USH2A: variants seen among roughly 807,000 people sequenced by gnomAD.
USH2A encodes Usher syndrome 2A (autosomal recessive, mild).
Under a neutral mutation model 538.9 loss-of-function variants are expected in USH2A, and 443 were observed. The ratio of observed to expected loss-of-function variants is 0.82; its 90% CI spans 0.76 to 0.89. The LOEUF is 0.89. USH2A is among the 40% of genes least tolerant of loss of function. The pLI, the probability that USH2A is intolerant of heterozygous loss-of-function variation, is 0.00. For synonymous variants in USH2A, 2,413 were observed against 2,273.5 expected, an observed-to-expected ratio of 1.06 and a Z score of -1.75; for missense variants, 6,633 against 6,324.8, an observed-to-expected ratio of 1.05 and a Z score of -1.65.
chr1:215,639,513 T>C (rs1428058847), intron 68 of USH2A, among the ~76,000 whole-genome samples: 1 of 152,218 alleles, frequency 6.6e-6, no homozygotes, highest in Non-Finnish European at 1.5e-5. Context: ...TAAAGGGTAA[T>C]ACACAAAGCG....
rs139989739 is a variant in USH2A, at chr1:215,779,850, C to T, written c.10932G>A (p.Thr3644=). Residue 3644 remains threonine (T), a synonymous_variant, in exon 55 of 72, where the codon ACG becomes ACA. Coordinates refer to ENST00000307340, the MANE Select transcript of USH2A (RefSeq NM_206933.4). ...HTDTTDRRQH[T]VTGLQPYTNY... is the part of the protein sequence containing the mutation. ...TTTTTTTTGTTTTCTCACCTGTGAC[C>T]GTATGCTGTCTCCTGTCAGTGGTGT... 3.3e-5 allele frequency: 54 copies of T among 1,613,838 alleles called. No individual in the cohort carries two copies. The highest frequency in any genetic ancestry group is 4.0e-5 in the Non-Finnish European group (47 of 1,180,020).
rs191607710 is a variant in USH2A at position 216,335,268 on chromosome 1, T to C, written c.785-7614A>G. On this transcript the variant is annotated intron_variant, in intron 4 of 71. Transcript: ENST00000307340. ...TTAATGGAAGTGAACATGCAACATATCACACTTTATGGGATTTAAGTAGTG... is the reference window on the plus strand; with the variant it reads ...TTAATGGAAGTGAACATGCAACATACCACACTTTATGGGATTTAAGTAGTG... Among the ~76,000 whole-genome samples the C allele has an allele frequency of 8.0e-4, 122 of 151,760 alleles. 1 individual carries two copies. The highest frequency in any genetic ancestry group is 2.9e-3 in the African/African-American group (120 of 41,520).
chr1:215,968,983 A>C (rs2102457058), intron 36 of USH2A, among the ~76,000 whole-genome samples: 1 of 152,316 alleles, frequency 6.6e-6, no homozygotes, highest in Non-Finnish European at 1.5e-5. Context: ...AACAAAAAGA[A>C]GCTGAATCTG....
chr1:216,221,598 T>A (rs1258463562), intron 14 of USH2A, among the ~76,000 whole-genome samples: 1 of 152,146 alleles, frequency 6.6e-6, no homozygotes, highest in African/African-American at 2.4e-5. Flanking sequence ...AACCCCACCC[T>A]CTTTGGTGAA....
chr1:215,956,584 G>C (rs1186422008), intron 37 of USH2A, among the ~76,000 whole-genome samples: 1 of 152,044 alleles, frequency 6.6e-6, no homozygotes. Context: ...AAGCCATGAG[G>C]ACAATGAAAT....
chr1:215,680,054 A>G lies in USH2A; in HGVS notation c.12294+95T>C, dbSNP rs1658173055. ...TCAAGGAGAATTAAACAGGCTGTGA[A>G]GGGAGTTTTCCCACAGTGACCTGAT... On this transcript the variant is annotated intron_variant, in intron 62 of 71. Coordinates refer to ENST00000307340, the MANE Select transcript of USH2A (RefSeq NM_206933.4). 3 of 1,241,736 alleles carry G rather than the reference A, an allele frequency of 2.4e-6. No individual in the cohort carries two copies. In the East Asian group the frequency reaches 7.0e-5, roughly 29 times the overall value. The allele number at this position is 1,241,736 out of a possible 1,614,324, so 76.9% of individuals were successfully genotyped here.
At chr1:215,814,246 CTT>C (rs1483631817) in intron 48 of USH2A, among the ~76,000 whole-genome samples, 1 of 144,264 alleles carries the variant, frequency 6.9e-6, no homozygotes, top group Non-Finnish European at 1.5e-5. Context: ...AGATGTATAT[CTT>C]ATATCTTACA....
At chr1:216,040,574 G>A (rs1430004171) in intron 32 of USH2A, among the ~76,000 whole-genome samples, 2 of 151,964 alleles carry the variant, frequency 1.3e-5, no homozygotes, top group East Asian at 3.9e-4. Context: ...TTTAAAATAA[G>A]AATAATCTGT....
chr1:215,836,485 ATATT>A, intron 47 of USH2A, among the ~76,000 whole-genome samples: 1 of 2,866 alleles, frequency 3.5e-4, no homozygotes, highest in Non-Finnish European at 1.1e-3. Context: ...TATATAATAT[ATATT>A]ATATATATAA....
At chr1:216,198,999 G>A (rs1487841402) in intron 17 of USH2A, among the ~76,000 whole-genome samples, 2 of 152,052 alleles carry the variant, frequency 1.3e-5, no homozygotes, top group East Asian at 1.9e-4. Flanking sequence ...CAAATTTGGA[G>A]GTTTTAATTT....
At chr1:215,880,267 T>C (rs1460925873) in intron 41 of USH2A, among the ~76,000 whole-genome samples, 1 of 152,146 alleles carries the variant, frequency 6.6e-6, no homozygotes. Context: ...GAAGGTTTCA[T>C]CCAGGAAGAC....
intron 4 of USH2A, among the ~76,000 whole-genome samples, chr1:216,352,495 T>G (rs978505708): frequency 6.6e-6 from 1 of 152,162 alleles, no homozygotes; most frequent in Non-Finnish European, 1.5e-5. Flanking sequence ...AGTGGTGAGC[T>G]AAAGTCTGAC....
intron 47 of USH2A, among the ~76,000 whole-genome samples, chr1:215,836,526 T>TA (rs1553267750): frequency 1.9e-4 from 5 of 26,492 alleles, no homozygotes; most frequent in Non-Finnish European, 2.0e-4. Context: ...ATAATATATA[T>TA]TATATATATA....
At chr1:215,637,394 G>A (rs896933785) in intron 69 of USH2A, among the ~76,000 whole-genome samples, 5 of 152,276 alleles carry the variant, frequency 3.3e-5, no homozygotes, top group South Asian at 2.1e-4. Context: ...ATTCCTATGC[G>A]TACTTAACTT....
chr1:215,625,710 TGAGTG>T lies in USH2A; in HGVS notation c.*66_*70del. The T allele has an allele frequency of 1.5e-6, 2 of 1,367,746 alleles. No individual in the cohort carries two copies. Among genetic ancestry groups the T allele is most frequent in the Non-Finnish European group, 2.1e-6 (2 of 955,962 alleles). 84.7% of individuals were successfully genotyped at this position (1,367,746 alleles called of 1,614,324 possible). On this transcript the variant is annotated 3_prime_UTR_variant, in exon 72 of 72. Transcript: ENST00000307340. Reference sequence around the variant, plus strand: ...ATGGCTTTTCAGCATTTATGATGTGTGAGTGATAACCCAGGAGGAAATGGGTGCAG... The same window carrying T: ...ATGGCTTTTCAGCATTTATGATGTGTATAACCCAGGAGGAAATGGGTGCAG...
At chr1:216,254,957 C>T (rs762833412) in intron 11 of USH2A, among the ~76,000 whole-genome samples, 12 of 152,170 alleles carry the variant, frequency 7.9e-5, no homozygotes, top group Non-Finnish European at 1.3e-4. Flanking sequence ...ACCTAGCTGC[C>T]AAGGAGACTG....
chr1:215,752,828 A>G (rs1397000151), intron 58 of USH2A, among the ~76,000 whole-genome samples: 1 of 152,212 alleles, frequency 6.6e-6, no homozygotes, highest in Non-Finnish European at 1.5e-5. Flanking sequence ...ATTAAACTAA[A>G]GAGCTTCTGC....
chr1:215,982,031 T>A (rs185797367), intron 35 of USH2A, among the ~76,000 whole-genome samples: 62 of 152,352 alleles, frequency 4.1e-4, no homozygotes, highest in Non-Finnish European at 7.5e-4. Flanking sequence ...AAATTAGTTC[T>A]TGAGTGCGTC....
At chr1:216,063,804 A>T (rs2031260767) in intron 30 of USH2A, among the ~76,000 whole-genome samples, 1 of 152,178 alleles carries the variant, frequency 6.6e-6, no homozygotes, top group Non-Finnish European at 1.5e-5. Flanking sequence ...TATACAACAA[A>T]CCCAATTTTC....
Sources: allele counts gnomAD v4.1 joint callset (sites outside exome capture counted in the v4.1 genomes callset), GRCh38; gene constraint gnomAD v4.1.1; transcripts MANE v1.5; gene names NCBI Gene and HGNC (gene_info 2026-07-23, HGNC 2026-07-21).